Variants in MYRIP observed in about 807,000 individuals in gnomAD.
The protein encoded by MYRIP is rab effector MyRIP.
A neutral mutation model predicts 98.0 loss-of-function variants in MYRIP; 49 were observed. That is an observed-to-expected ratio of 0.50 (90% CI 0.40 to 0.63). The LOEUF (loss-of-function observed/expected upper bound fraction) is 0.63, where lower values mean the gene tolerates loss of function less well. Among genes scored for constraint, MYRIP ranks in the 30% least tolerant of loss-of-function variants. The pLI, the probability that MYRIP is intolerant of heterozygous loss-of-function variation, is 0.00. For synonymous variants in MYRIP, 404 were observed against 409.5 expected (o/e 0.99, Z 0.16); for missense variants, 1,004 against 1,058.2 (o/e 0.95, Z 0.71).
chr3:40,169,216 C>T (rs1023307695), intron 7 of MYRIP, among the ~76,000 whole-genome samples: 3 of 152,204 alleles, frequency 2.0e-5, no homozygotes, highest in African/African-American at 7.2e-5. Flanking sequence ...GGCAACATGG[C>T]TGGGTCCCCA....
chr3:39,811,943 C>T (rs1053113198), intron 1 of MYRIP, among the ~76,000 whole-genome samples: 2 of 152,126 alleles, frequency 1.3e-5, no homozygotes, highest in African/African-American at 2.4e-5. Context: ...AAAAATATCC[C>T]GTAGAAAACA....
chr3:39,936,611 A>G (rs552297745), intron 2 of MYRIP, among the ~76,000 whole-genome samples: 1 of 152,280 alleles, frequency 6.6e-6, no homozygotes, highest in South Asian at 2.1e-4. Flanking sequence ...CTGCAGTGAG[A>G]CTCAGGGAGA....
chr3:40,205,326 G>C (rs1309591525), intron 10 of MYRIP, among the ~76,000 whole-genome samples: 2 of 152,172 alleles, frequency 1.3e-5, no homozygotes, highest in African/African-American at 4.8e-5. Context: ...AGAGCTAATG[G>C]AGTGAACTGA....
At chr3:39,911,749 CAG>C (rs1351605419) in intron 2 of MYRIP, among the ~76,000 whole-genome samples, 1 of 152,214 alleles carries the variant, frequency 6.6e-6, no homozygotes, top group Non-Finnish European at 1.5e-5. Context: ...GCCTGGAAAT[CAG>C]AGTTTCTTCC....
chr3:40,203,716 T>A (rs1198685714), intron 10 of MYRIP, among the ~76,000 whole-genome samples: 42 of 122,432 alleles, frequency 3.4e-4, no homozygotes, highest in African/African-American at 1.2e-3. Context: ...TTATATATTT[T>A]TATATATTTA....
At chr3:40,098,740 T>TTGTGTG (rs3063561) in intron 3 of MYRIP, among the ~76,000 whole-genome samples, 13,764 of 135,016 alleles carry the variant, frequency 0.1, 801 homozygotes, top group East Asian at 0.2. Context: ...GTCTCTCTCA[T>TTGTGTG]TGTGTGTGTG....
At position 40,260,130 on chromosome 3, in the gene MYRIP, A is replaced by G. The variant is rs1449494968; in HGVS notation, c.*1964A>G. 1 of 152,634 alleles carries G rather than the reference A, an allele frequency of 6.6e-6. No individual in the cohort carries two copies. Among genetic ancestry groups the G allele is most frequent in the Non-Finnish European group, 1.5e-5 (1 of 68,046 alleles). 9.5% of individuals were successfully genotyped at this position (152,634 alleles called of 1,614,324 possible). On this transcript the variant is annotated 3_prime_UTR_variant, in exon 17 of 17. Transcript: ENST00000302541. The stretch of plus-strand genomic sequence containing the variant: ...ATTATTTTGTCATCAAGTGATTTTG[A>G]TCTTTAGTGTCAATATTTATATTTA...
At chr3:39,978,016 A>T (rs1226669749) in intron 2 of MYRIP, among the ~76,000 whole-genome samples, 1 of 152,026 alleles carries the variant, frequency 6.6e-6, no homozygotes, top group African/African-American at 2.4e-5. Flanking sequence ...ATCAACAAAA[A>T]AAAAGACTTT....
intron 7 of MYRIP, among the ~76,000 whole-genome samples, chr3:40,168,466 T>C (rs1466575891): frequency 6.6e-6 from 1 of 152,244 alleles, no homozygotes; most frequent in Non-Finnish European, 1.5e-5. Flanking sequence ...TTAGCTCATA[T>C]AATTTATGGA....
intron 1 of MYRIP, among the ~76,000 whole-genome samples, chr3:39,838,851 G>A (rs1300794181): frequency 6.6e-6 from 1 of 151,874 alleles, no homozygotes; most frequent in Non-Finnish European, 1.5e-5. Context: ...GGCTTTTTTC[G>A]GTTGGTAGGC....
At chr3:39,829,056 G>C (rs1029184958) in intron 1 of MYRIP, among the ~76,000 whole-genome samples, 1 of 152,184 alleles carries the variant, frequency 6.6e-6, no homozygotes, top group East Asian at 1.9e-4. Flanking sequence ...TCTCCACACT[G>C]TTTTCCATAG....
At chr3:39,979,379 C>T (rs981618627) in intron 2 of MYRIP, among the ~76,000 whole-genome samples, 1 of 152,128 alleles carries the variant, frequency 6.6e-6, no homozygotes, top group African/African-American at 2.4e-5. Context: ...TGGCTCATGC[C>T]TGTAATCCCA....
intron 3 of MYRIP, among the ~76,000 whole-genome samples, chr3:40,078,001 G>C (rs969067522): frequency 6.6e-6 from 1 of 152,236 alleles, no homozygotes; most frequent in African/African-American, 2.4e-5. Flanking sequence ...GGGGAGGGTC[G>C]GCCACACAGG....
At chr3:40,010,432 G>A (rs1037790118) in intron 2 of MYRIP, among the ~76,000 whole-genome samples, 3 of 152,132 alleles carry the variant, frequency 2.0e-5, no homozygotes, top group Non-Finnish European at 2.9e-5. Flanking sequence ...TAGAGGTGCC[G>A]GGTAGCAGTA....
intron 4 of MYRIP, among the ~76,000 whole-genome samples, chr3:40,160,012 G>A (rs13065474): frequency 0.36 from 54,784 of 152,072 alleles, 12,266 homozygotes; most frequent in Non-Finnish European, 0.5. Context: ...GTCATTCTCC[G>A]TCCAGCTTTG....
chr3:40,138,109 G>A (rs1464029174), intron 3 of MYRIP, among the ~76,000 whole-genome samples: 4 of 152,242 alleles, frequency 2.6e-5, no homozygotes, highest in African/African-American at 7.2e-5. Context: ...AAGAACATAT[G>A]TGTTTGGAAA....
intron 1 of MYRIP, among the ~76,000 whole-genome samples, chr3:39,893,477 A>G (rs1943534556): frequency 6.6e-6 from 1 of 152,178 alleles, no homozygotes; most frequent in African/African-American, 2.4e-5. Context: ...TGTGAAATCA[A>G]TTATAATTCA....
At chr3:39,951,687 C>T (rs1310348777) in intron 2 of MYRIP, among the ~76,000 whole-genome samples, 1 of 151,924 alleles carries the variant, frequency 6.6e-6, no homozygotes, top group Non-Finnish European at 1.5e-5. Context: ...TATGTAAAAA[C>T]CATTCCCAGC....
intron 2 of MYRIP, among the ~76,000 whole-genome samples, chr3:39,936,986 G>A (rs149964779): frequency 9.3e-4 from 142 of 152,174 alleles, no homozygotes; most frequent in African/African-American, 3.4e-3. Context: ...TGAAACAAAG[G>A]TTCCATGAGG....
Sources: allele counts gnomAD v4.1 joint callset (sites outside exome capture counted in the v4.1 genomes callset), GRCh38; gene constraint gnomAD v4.1.1; transcripts MANE v1.5; gene names NCBI Gene and HGNC (gene_info 2026-07-23, HGNC 2026-07-21).